Variants in PTPRD observed in about 807,000 individuals in gnomAD.
The protein encoded by PTPRD is receptor-type tyrosine-protein phosphatase delta.
PTPRD carries 34 observed loss-of-function variants against 214.5 expected under a neutral mutation model. That is an observed-to-expected ratio of 0.16 (90% CI 0.12 to 0.21). PTPRD has a LOEUF of 0.21. Among genes scored for constraint, PTPRD ranks in the 10% least tolerant of loss-of-function variants. PTPRD has a pLI of 1.00. For missense variants in PTPRD, 2,545 were observed against 2,398.7 expected, an observed-to-expected ratio of 1.06 and a Z score of -1.27; for synonymous variants, 1,128 against 845.7, an observed-to-expected ratio of 1.33 and a Z score of -5.79.
intron 5 of PTPRD, among the ~76,000 whole-genome samples, chr9:9,803,963 T>C (rs1022741989): frequency 1.3e-5 from 2 of 152,078 alleles, no homozygotes; most frequent in Non-Finnish European, 2.9e-5. Context: ...CTATCTTAAC[T>C]GAGTTCTCTT....
Position 9,178,932 on chromosome 9 carries a change from C to G in PTPRD, c.-143+4372G>C, listed in dbSNP as rs574032855. On this transcript the variant is annotated intron_variant, in intron 10 of 45. Transcript: ENST00000381196. Reference sequence around the variant, plus strand: ...TTTACCTGGGACTGTCAAATTAATACTGTAATCAAAGATCTCTTTTAGAGA... The same window carrying G: ...TTTACCTGGGACTGTCAAATTAATAGTGTAATCAAAGATCTCTTTTAGAGA... Among the ~76,000 whole-genome samples, 3 of 152,154 alleles carry G rather than the reference C, an allele frequency of 2.0e-5. No individual in the cohort carries two copies. In the South Asian group the frequency reaches 6.2e-4, roughly 32 times the overall value.
At chr9:9,036,258 G>C (rs2154380202) in intron 10 of PTPRD, among the ~76,000 whole-genome samples, 1 of 147,336 alleles carries the variant, frequency 6.8e-6, no homozygotes, top group East Asian at 2.0e-4. Flanking sequence ...GGGATTTCCA[G>C]AACATTTCCT....
At chr9:8,504,170 T>C in intron 23 of PTPRD, 91 bp downstream of exon 23, 2 of 1,280,592 alleles carry the variant, frequency 1.6e-6, no homozygotes, top group Middle Eastern at 1.9e-4. Context: ...ATTAAGCATA[T>C]TAGCAGGTTT....
At chr9:10,474,328 G>T (rs773024011) in intron 2 of PTPRD, among the ~76,000 whole-genome samples, 1 of 151,484 alleles carries the variant, frequency 6.6e-6, no homozygotes, top group African/African-American at 2.4e-5. Flanking sequence ...AAAAAGCAGG[G>T]GTTGCAATCC....
At chr9:8,755,137 A>G (rs1003621550) in intron 11 of PTPRD, among the ~76,000 whole-genome samples, 1 of 151,856 alleles carries the variant, frequency 6.6e-6, no homozygotes, top group Non-Finnish European at 1.5e-5. Context: ...CCTTTGAAAA[A>G]CTGTTTTGCT....
At chr9:10,148,347 AGT>A (rs1348941065) in intron 3 of PTPRD, among the ~76,000 whole-genome samples, 1 of 152,220 alleles carries the variant, frequency 6.6e-6, no homozygotes, top group Admixed American at 6.5e-5. Flanking sequence ...AAAGTACATA[AGT>A]GTATCTGGCA....
chr9:9,010,255 G>C (rs1020773236), intron 11 of PTPRD, among the ~76,000 whole-genome samples: 4 of 152,144 alleles, frequency 2.6e-5, no homozygotes, highest in African/African-American at 9.7e-5. Context: ...AAGAAAGTAA[G>C]ACACAATGGA....
chr9:9,654,732 G>A (rs529583653), intron 7 of PTPRD, among the ~76,000 whole-genome samples: 1 of 152,258 alleles, frequency 6.6e-6, no homozygotes, highest in South Asian at 2.1e-4. Context: ...GCAAGACATT[G>A]TCAATTGATA....
At chr9:10,317,862 A>G (rs2096472490) in intron 3 of PTPRD, among the ~76,000 whole-genome samples, 1 of 152,062 alleles carries the variant, frequency 6.6e-6, no homozygotes, top group Non-Finnish European at 1.5e-5. Context: ...ATACATATGT[A>G]TAATGATGAT....
intron 11 of PTPRD, among the ~76,000 whole-genome samples, chr9:8,867,505 C>T (rs890887379): frequency 8.5e-5 from 13 of 152,128 alleles, no homozygotes; most frequent in East Asian, 1.9e-4. Flanking sequence ...TTAAATCAAG[C>T]GGAGGTAAGA....
chr9:9,615,690 A>G (rs924690066), intron 7 of PTPRD, among the ~76,000 whole-genome samples: 10 of 152,196 alleles, frequency 6.6e-5, no homozygotes, highest in Non-Finnish European at 2.9e-5. Context: ...TCATTTTGCT[A>G]TCATAAGGGC....
At chr9:10,462,709 A>T (rs533487423) in intron 2 of PTPRD, among the ~76,000 whole-genome samples, 1 of 150,658 alleles carries the variant, frequency 6.6e-6, no homozygotes. Context: ...TAAGATATCT[A>T]AAGGAAAAAA....
At chr9:9,532,483 G>T (rs2154265239) in intron 8 of PTPRD, among the ~76,000 whole-genome samples, 1 of 152,222 alleles carries the variant, frequency 6.6e-6, no homozygotes, top group South Asian at 2.1e-4. Flanking sequence ...ATCAAGCTTT[G>T]GTTAGGTCCC....
chr9:8,630,597 G>A (rs907239122), intron 14 of PTPRD, among the ~76,000 whole-genome samples: 2 of 151,806 alleles, frequency 1.3e-5, no homozygotes, highest in East Asian at 1.9e-4. Flanking sequence ...TTCTAAAACT[G>A]CTCAACATAG....
At chr9:9,634,737 G>A (rs1357187946) in intron 7 of PTPRD, among the ~76,000 whole-genome samples, 1 of 152,078 alleles carries the variant, frequency 6.6e-6, no homozygotes, top group Non-Finnish European at 1.5e-5. Context: ...AGATTTCTGT[G>A]CATACTACGT....
intron 3 of PTPRD, among the ~76,000 whole-genome samples, chr9:10,258,956 G>A (rs2093490017): frequency 6.6e-6 from 1 of 152,070 alleles, no homozygotes; most frequent in African/African-American, 2.4e-5. Flanking sequence ...GAACTTATTT[G>A]TTTATAATTT....
chr9:10,536,171 A>C lies in PTPRD; in HGVS notation c.-600+76227T>G, dbSNP rs370963220. 1.4e-4 allele frequency among the ~76,000 whole-genome samples: 22 copies of C among 152,250 alleles called. No homozygotes were observed. The East Asian group carries it at 3.3e-3, about 23-fold the overall frequency. On this transcript the variant is annotated intron_variant, in intron 2 of 45. Transcript: ENST00000381196. ...GACCAAGGAATATGTCTGCTTAAGA[A>C]ACTCCAAATATTACTGTGATACACA...
Position 8,557,344 on chromosome 9 carries a change from G to A in PTPRD, c.353-28565C>T, listed in dbSNP as rs533486608. Reference sequence around the variant, plus strand: ...AAGAACTCAATACATGTCATGCTCTGTTATTGGAAGCAAAATGATACCTAT... The same window carrying A: ...AAGAACTCAATACATGTCATGCTCTATTATTGGAAGCAAAATGATACCTAT... On this transcript the variant is annotated intron_variant, in intron 14 of 45. Transcript: ENST00000381196. Among the ~76,000 whole-genome samples the A allele has an allele frequency of 1.3e-4, 20 of 151,484 alleles. No individual in the cohort carries two copies. The South Asian group carries it at 4.0e-3, about 30-fold the overall frequency.
chr9:10,226,169 C>A (rs1310950019), intron 3 of PTPRD, among the ~76,000 whole-genome samples: 1 of 152,008 alleles, frequency 6.6e-6, no homozygotes, highest in African/African-American at 2.4e-5. Context: ...CAAAATTGTA[C>A]CTCCTGTTGG....
Sources: gnomAD v4.1 joint callset for allele counts (sites outside exome capture counted in the v4.1 genomes callset) on GRCh38, gnomAD v4.1.1 for gene constraint, MANE v1.5 for transcripts, NCBI Gene and HGNC (gene_info 2026-07-23, HGNC 2026-07-21) for gene names.